TTC13: variants seen among roughly 807,000 people sequenced by gnomAD.
The protein encoded by TTC13 is tetratricopeptide repeat domain 13, also known as tetratricopeptide repeat protein 13.
A neutral mutation model predicts 120.0 loss-of-function variants in TTC13; 62 were observed. The observed-to-expected ratio is 0.52, with a 90% CI of 0.42 to 0.64. The LOEUF is 0.64. Among genes scored for constraint, TTC13 ranks in the 30% least tolerant of loss-of-function variants. The pLI, the probability that TTC13 is intolerant of heterozygous loss-of-function variation, is 0.00. For missense variants in TTC13, 824 were observed against 1,050.2 expected (o/e 0.78, Z 2.98); for synonymous variants, 384 against 393.5 (o/e 0.98, Z 0.28).
At chr1:230,950,854 A>G (rs1285761621) in intron 4 of TTC13, among the ~76,000 whole-genome samples, 1 of 152,216 alleles carries the variant, frequency 6.6e-6, no homozygotes, top group East Asian at 1.9e-4. Context: ...CATGAGGACC[A>G]AAGCAGCACA....
chr1:230,973,950 G>A (rs182323886), intron 1 of TTC13, among the ~76,000 whole-genome samples: 32 of 151,938 alleles, frequency 2.1e-4, no homozygotes, highest in African/African-American at 5.8e-4. Context: ...GGTGGCAGGC[G>A]CCTGTAATTC....
chr1:230,927,603 T>C (rs1336830381), intron 12 of TTC13, among the ~76,000 whole-genome samples: 1 of 152,204 alleles, frequency 6.6e-6, no homozygotes, highest in African/African-American at 2.4e-5. Context: ...TAATTCTTGG[T>C]CAGTTATTAA....
In TTC13 at chr1:230,940,599, A is replaced by G. The variant is rs775464537; in HGVS notation, c.673-43T>C. Reference sequence around the variant, plus strand: ...GTAATCAGGAAGAATACCAATGACCAACCCTAAAATCCCAATGTTTTTGAC... The same window carrying G: ...GTAATCAGGAAGAATACCAATGACCGACCCTAAAATCCCAATGTTTTTGAC... On this transcript the variant is annotated intron_variant, in intron 6 of 22. Coordinates refer to ENST00000366661, the MANE Select transcript of TTC13 (RefSeq NM_024525.5). The surrounding 1 kb of genome is among the most constrained non-coding windows in gnomAD (Gnocchi z 4.1). The G allele has an allele frequency of 4.6e-6, 6 of 1,307,100 alleles. No individual in the cohort carries two copies. In the East Asian group the frequency reaches 1.4e-4, roughly 30 times the overall value. The allele number at this position is 1,307,100 out of a possible 1,614,324, so 81.0% of individuals were successfully genotyped here. A position where few individuals can be genotyped will look rare whatever the true frequency, so the allele number is the denominator to read the frequency against.
rs986669886 is a variant in TTC13 at position 230,944,176 on chromosome 1, A to C, written c.580-278T>G. Among the ~76,000 whole-genome samples, 1 of 152,194 alleles carries C rather than the reference A, an allele frequency of 6.6e-6. No individual in the cohort carries two copies. The highest frequency in any genetic ancestry group is 2.4e-5 in the African/African-American group (1 of 41,452). On this transcript the variant is annotated intron_variant, in intron 5 of 22. Transcript: ENST00000366661. This position sits in a 1 kb window ranked among gnomAD's most constrained non-coding sequence, Gnocchi z 4.0. ...GCAGGATATTATCTAAACTTAATCTACTTAAACATGGAATCAACGAATCTC... is the reference window on the plus strand; with the variant it reads ...GCAGGATATTATCTAAACTTAATCTCCTTAAACATGGAATCAACGAATCTC...
chr1:230,928,829 A>G, intron 12 of TTC13, 108 bp downstream of exon 12: 1 of 1,075,656 alleles, frequency 9.3e-7, no homozygotes. Flanking sequence ...GGCCCCAGGC[A>G]ATTCTACCTC....
chr1:230,966,079 C>G (rs1313386831), intron 1 of TTC13, among the ~76,000 whole-genome samples: 7 of 152,098 alleles, frequency 4.6e-5, no homozygotes, highest in African/African-American at 1.7e-4. Flanking sequence ...TTATAATGAT[C>G]TGTTTGTTTT....
At chr1:230,961,069 A>G (rs1472833523) in intron 2 of TTC13, 140 bp downstream of exon 2, 4 of 602,910 alleles carry the variant, frequency 6.6e-6, no homozygotes, top group Non-Finnish European at 1.2e-5. Context: ...GTGGCAAAAT[A>G]CCAGACGACC....
In TTC13 at chr1:230,925,778, T is replaced by C; in HGVS notation, c.1458-131A>G. ...AGTCTACGACCACATAATCCTTACT[T>C]CAGTCCTTTGCACCCAACCATACCT... On this transcript the variant is annotated intron_variant, in intron 12 of 22. Coordinates refer to ENST00000366661, the MANE Select transcript of TTC13 (RefSeq NM_024525.5). 3 of 1,003,760 alleles carry C rather than the reference T, an allele frequency of 3.0e-6. No individual in the cohort carries two copies. The South Asian group carries it at 4.4e-5, about 15-fold the overall frequency. The allele number at this position is 1,003,760 out of a possible 1,614,324, so 62.2% of individuals were successfully genotyped here.
chr1:230,973,949 C>T (rs1436874969), intron 1 of TTC13, among the ~76,000 whole-genome samples: 1 of 151,784 alleles, frequency 6.6e-6, no homozygotes, highest in Non-Finnish European at 1.5e-5. Flanking sequence ...TGGTGGCAGG[C>T]GCCTGTAATT....
intron 13 of TTC13, 111 bp from the exon 14 acceptor site, chr1:230,925,084 G>A: frequency 7.4e-7 from 1 of 1,359,280 alleles, no homozygotes; most frequent in Non-Finnish European, 1.0e-6. Context: ...AGGGTCAGAA[G>A]TATTGGTGAT....
intron 7 of TTC13, among the ~76,000 whole-genome samples, chr1:230,939,879 CTT>C (rs1227352383): frequency 6.6e-6 from 1 of 152,162 alleles, no homozygotes; most frequent in East Asian, 1.9e-4. Flanking sequence ...TGCTGAGACT[CTT>C]TTAATATATT....
intron 18 of TTC13, among the ~76,000 whole-genome samples, chr1:230,915,189 A>G (rs1047895844): frequency 7.9e-5 from 12 of 152,352 alleles, no homozygotes; most frequent in Non-Finnish European, 2.9e-5. Flanking sequence ...TGGAACTTGA[A>G]GAGGTGGCTC....
intron 4 of TTC13, among the ~76,000 whole-genome samples, chr1:230,947,971 C>G (rs1675170028): frequency 6.6e-6 from 1 of 152,124 alleles, no homozygotes; most frequent in African/African-American, 2.4e-5. Context: ...CTCCATCAGC[C>G]ACTGCCCTAT....
chr1:230,972,443 T>C (rs1316959091), intron 1 of TTC13, among the ~76,000 whole-genome samples: 1 of 152,212 alleles, frequency 6.6e-6, no homozygotes, highest in African/African-American at 2.4e-5. Flanking sequence ...ACCCAAAGTA[T>C]TAAAATTCTG....
chr1:230,925,433 A>G, intron 13 of TTC13, 84 bp downstream of exon 13: 1 of 1,414,750 alleles, frequency 7.1e-7, no homozygotes, highest in Non-Finnish European at 9.9e-7. Context: ...AATAAATACT[A>G]ATTTATTAAA....
chr1:230,977,120 T>C (rs551170525), intron 1 of TTC13, among the ~76,000 whole-genome samples: 10 of 152,334 alleles, frequency 6.6e-5, no homozygotes, highest in African/African-American at 1.9e-4. Flanking sequence ...ACAATTTCAC[T>C]ATGTTTCAGT....
At chr1:230,947,743 A>C (rs1275482190) in intron 4 of TTC13, among the ~76,000 whole-genome samples, 1 of 152,198 alleles carries the variant, frequency 6.6e-6, no homozygotes, top group Non-Finnish European at 1.5e-5. Flanking sequence ...ATATTATCCA[A>C]GCTGCTTTTC....
chr1:230,916,702 AGT>A (rs1362249839), intron 17 of TTC13, among the ~76,000 whole-genome samples: 1 of 152,204 alleles, frequency 6.6e-6, no homozygotes, highest in Non-Finnish European at 1.5e-5. Context: ...TGCTCATACT[AGT>A]GCTCAAAGCA....
At chr1:230,928,027 C>G (rs1480201366) in intron 12 of TTC13, among the ~76,000 whole-genome samples, 1 of 152,010 alleles carries the variant, frequency 6.6e-6, no homozygotes, top group Non-Finnish European at 1.5e-5. Flanking sequence ...CAATACCATT[C>G]TGTTCATTAT....
Sources: allele counts gnomAD v4.1 joint callset (sites outside exome capture counted in the v4.1 genomes callset), GRCh38; gene constraint gnomAD v4.1.1; non-coding constraint Gnocchi (gnomAD v3.1); transcripts MANE v1.5; gene names NCBI Gene and HGNC (gene_info 2026-07-23, HGNC 2026-07-21).